The following ALCAM variants were observed in gnomAD, a reference collection of about 807,000 sequenced individuals.
ALCAM encodes CD166 antigen.
Under a neutral mutation model 70.9 loss-of-function variants are expected in ALCAM, and 30 were observed. That is an observed-to-expected ratio of 0.42 (90% confidence interval 0.32 to 0.57). The LOEUF (loss-of-function observed/expected upper bound fraction) is 0.57. ALCAM is among the 20% of genes least tolerant of loss of function. The pLI is 0.11. For synonymous variants in ALCAM, 249 were observed against 242.5 expected (o/e 1.03, Z -0.25); for missense variants, 591 against 695.1 (o/e 0.85, Z 1.68).
At chr3:105,394,449 T>A (rs1935899822) in intron 1 of ALCAM, among the ~76,000 whole-genome samples, 1 of 151,966 alleles carries the variant, frequency 6.6e-6, no homozygotes, top group Admixed American at 6.6e-5. Flanking sequence ...GAATCCCTGG[T>A]TCTCTTTTCA....
chr3:105,550,305 T>G (rs1424342824), intron 12 of ALCAM, 46 bp downstream of exon 12: 3 of 1,542,810 alleles, frequency 1.9e-6, no homozygotes. Flanking sequence ...AAATTTGAAG[T>G]TATTCTTCAT....
chr3:105,535,152 T>C (rs1422924933), intron 6 of ALCAM, among the ~76,000 whole-genome samples: 6 of 152,178 alleles, frequency 3.9e-5, no homozygotes, highest in Non-Finnish European at 8.8e-5. Flanking sequence ...CAGACAAATA[T>C]AGACTTTAAC....
chr3:105,466,855 A>T (rs755853452), intron 1 of ALCAM, among the ~76,000 whole-genome samples: 1 of 151,336 alleles, frequency 6.6e-6, no homozygotes, highest in Non-Finnish European at 1.5e-5. Context: ...AACAGCTTGA[A>T]CAAGTTAGGC....
chr3:105,414,849 C>A (rs1040693505), intron 1 of ALCAM, among the ~76,000 whole-genome samples: 10 of 151,964 alleles, frequency 6.6e-5, no homozygotes, highest in Admixed American at 2.6e-4. Context: ...AATGAAAAAA[C>A]CCAATTTTTA....
At chr3:105,498,043 A>G (rs908568552) in intron 1 of ALCAM, among the ~76,000 whole-genome samples, 1 of 149,900 alleles carries the variant, frequency 6.7e-6, no homozygotes, top group Non-Finnish European at 1.5e-5. Flanking sequence ...AAAAAAAAAA[A>G]AAGGGGGGAA....
chr3:105,570,510 C>T (rs1197114676), intron 14 of ALCAM, among the ~76,000 whole-genome samples: 2 of 152,032 alleles, frequency 1.3e-5, no homozygotes, highest in Non-Finnish European at 2.9e-5. Context: ...GACACACAGA[C>T]TGAAGCACAG....
chr3:105,465,147 C>G (rs1376433061), intron 1 of ALCAM, among the ~76,000 whole-genome samples: 2 of 151,358 alleles, frequency 1.3e-5, no homozygotes, highest in African/African-American at 4.8e-5. Flanking sequence ...GTATATTGTT[C>G]ATGAGCTCAA....
chr3:105,396,421 G>A (rs1049387325), intron 1 of ALCAM, among the ~76,000 whole-genome samples: 4 of 151,938 alleles, frequency 2.6e-5, no homozygotes, highest in African/African-American at 9.7e-5. Context: ...ACTGAACTTG[G>A]AAAAGCACAG....
At chr3:105,496,633 T>C (rs1253123302) in intron 1 of ALCAM, among the ~76,000 whole-genome samples, 1 of 152,202 alleles carries the variant, frequency 6.6e-6, no homozygotes, top group Non-Finnish European at 1.5e-5. Flanking sequence ...TCTCATTCAC[T>C]GGTTCTCTGC....
At chr3:105,399,715 A>G (rs1351845535) in intron 1 of ALCAM, among the ~76,000 whole-genome samples, 3 of 152,122 alleles carry the variant, frequency 2.0e-5, no homozygotes, top group Admixed American at 1.3e-4. Context: ...CTTTCAGGCT[A>G]TCCTTTTCTG....
intron 8 of ALCAM, 92 bp downstream of exon 8, chr3:105,541,857 T>A: frequency 6.9e-7 from 1 of 1,449,678 alleles, no homozygotes; most frequent in Non-Finnish European, 9.4e-7. Context: ...CACGTATATC[T>A]TTCTTAAATA....
At chr3:105,482,056 G>C (rs895156604) in intron 1 of ALCAM, among the ~76,000 whole-genome samples, 1 of 152,040 alleles carries the variant, frequency 6.6e-6, no homozygotes, top group African/African-American at 2.4e-5. Context: ...ATGAACAAAA[G>C]AGCCAAGAAA....
At chr3:105,401,847 A>T (rs1936097497) in intron 1 of ALCAM, among the ~76,000 whole-genome samples, 1 of 152,172 alleles carries the variant, frequency 6.6e-6, no homozygotes, top group Non-Finnish European at 1.5e-5. Context: ...TCATCTTGGA[A>T]GTTTTGAAAA....
At chr3:105,412,533 T>G (rs1021937427) in intron 1 of ALCAM, among the ~76,000 whole-genome samples, 2 of 152,162 alleles carry the variant, frequency 1.3e-5, no homozygotes, top group African/African-American at 2.4e-5. Flanking sequence ...TTATTAATCT[T>G]GTATTTGCAC....
chr3:105,549,865 G>A (rs1043878462), intron 11 of ALCAM, among the ~76,000 whole-genome samples: 2 of 151,290 alleles, frequency 1.3e-5, no homozygotes, highest in Non-Finnish European at 3.0e-5. Context: ...GACTAAACCT[G>A]AGATTCTATT....
chr3:105,569,249 AAAAG>A (rs768512886), intron 14 of ALCAM, among the ~76,000 whole-genome samples: 1 of 152,106 alleles, frequency 6.6e-6, no homozygotes. Context: ...AGTAGAAAGA[AAAAG>A]AAAGGAGGAA....
At chr3:105,460,119 C>T (rs905390116) in intron 1 of ALCAM, among the ~76,000 whole-genome samples, 4 of 151,986 alleles carry the variant, frequency 2.6e-5, no homozygotes, top group Non-Finnish European at 5.9e-5. Flanking sequence ...GATAGTCTCT[C>T]TGGTATGACT....
chr3:105,394,393 T>C (rs4894924), intron 1 of ALCAM, among the ~76,000 whole-genome samples: 78,571 of 151,610 alleles, frequency 0.52, 21,084 homozygotes, highest in East Asian at 0.86. Context: ...AAACACGTCA[T>C]GATCTGGAAA....
intron 1 of ALCAM, among the ~76,000 whole-genome samples, chr3:105,378,824 G>A (rs78035997): frequency 0.015 from 2,340 of 151,890 alleles, 27 homozygotes; most frequent in Middle Eastern, 0.048. Flanking sequence ...AGGGTTTCAG[G>A]GTATGGTTTG....
Sources: allele counts gnomAD v4.1 joint callset (sites outside exome capture counted in the v4.1 genomes callset), GRCh38; gene constraint gnomAD v4.1.1; transcripts MANE v1.5; gene names NCBI Gene and HGNC (gene_info 2026-07-23, HGNC 2026-07-21).